The following BAIAP3 variants were observed in gnomAD, a reference collection of about 807,000 sequenced individuals.
The protein encoded by BAIAP3 is BAI1-associated protein 3.
In BAIAP3, 180 loss-of-function variants were observed where a neutral mutation model predicts 149.7. The ratio of observed to expected loss-of-function variants is 1.20; its 90% CI spans 1.07 to 1.36. The LOEUF is 1.36. BAIAP3 is among the 40% of genes most tolerant of loss of function. The pLI, the probability that BAIAP3 is intolerant of heterozygous loss-of-function variation, is 0.00. For missense variants in BAIAP3, 1,767 were observed against 1,563.4 expected (o/e 1.13, Z -2.20); for synonymous variants, 845 against 670.7 (o/e 1.26, Z -4.02).
chr16:1,347,137 G>A (rs865897401), intron 28 of BAIAP3, 161 bp from the exon 29 acceptor site: 55 of 905,258 alleles, frequency 6.1e-5, no homozygotes, highest in Middle Eastern at 6.6e-4. Context: ...CTTTCCCCAC[G>A]CTTCCTGGGA....
In BAIAP3 at chr16:1,346,070, A is replaced by AGC; in HGVS notation, c.2295_2296dup (p.Glu766AlafsTer22). Reference sequence around the variant, plus strand: ...GCCAGGGGCGGCCGGTGAAGCAGTGAGCGAGGCGGTGAGTGACCAGCTGGG... The same window carrying AGC: ...GCCAGGGGCGGCCGGTGAAGCAGTGAGCGCGAGGCGGTGAGTGACCAGCTGGG... On this transcript the variant is annotated frameshift_variant, in exon 24 of 34. Coordinates refer to ENST00000426824, the MANE Select transcript of BAIAP3 (RefSeq NM_001199097.2). LOFTEE classifies it high-confidence loss of function. 1 of 1,610,898 alleles carries AGC rather than the reference A, an allele frequency of 6.2e-7. No individual in the cohort carries two copies. Among genetic ancestry groups the AGC allele is most frequent in the Non-Finnish European group, 8.5e-7 (1 of 1,179,318 alleles).
At chr16:1,344,406 C>T in intron 17 of BAIAP3, 63 bp from the exon 18 acceptor site, 5 of 1,610,742 alleles carry the variant, frequency 3.1e-6, no homozygotes, top group Admixed American at 3.3e-5. Context: ...GCACCACGGT[C>T]TCTTGCCCAC....
chr16:1,338,567 C>A lies in BAIAP3; in HGVS notation c.18C>A (p.Asp6Glu), dbSNP rs748442979. Reference protein sequence around the residue: MSTLLDIKSSVLRQVQ... With the variant: MSTLLEIKSSVLRQVQ... ...CACCCGCCATGTCGACCTTGCTGGACATTAAGAGCAGCGTGCTCAGGCAGG... is the reference window on the plus strand; with the variant it reads ...CACCCGCCATGTCGACCTTGCTGGAAATTAAGAGCAGCGTGCTCAGGCAGG... Residue 6 changes from aspartate (D) to glutamate (E), a missense_variant, in exon 2 of 34, where the codon GAC becomes GAA. Transcript: ENST00000426824. 1.2e-6 allele frequency: 2 copies of A among 1,609,988 alleles called. No homozygotes were observed. Among genetic ancestry groups the A allele is most frequent in the Admixed American group, 3.3e-5 (2 of 59,744 alleles).
At chr16:1,336,114 C>A in intron 1 of BAIAP3, 1 of 698,346 alleles carries the variant, frequency 1.4e-6, no homozygotes, top group Non-Finnish European at 1.8e-6. Flanking sequence ...CATTTGTCTC[C>A]AGGACTGCGA....
intron 14 of BAIAP3, 125 bp from the exon 15 acceptor site, chr16:1,343,268 T>C: frequency 7.2e-7 from 1 of 1,395,878 alleles, no homozygotes; most frequent in Non-Finnish European, 9.7e-7. Context: ...AAAGGGGCAG[T>C]GCTATGAGTA....
At chr16:1,337,176 CCT>C (rs1253348549) in intron 1 of BAIAP3, among the ~76,000 whole-genome samples, 1 of 152,178 alleles carries the variant, frequency 6.6e-6, no homozygotes, top group Non-Finnish European at 1.5e-5. Flanking sequence ...TCATCCTACC[CCT>C]GTTGAAGGGG....
At chr16:1,338,473 C>CCCCCGGGGGGGGGG in intron 1 of BAIAP3, 67 bp from the exon 2 acceptor site, 2 of 1,091,536 alleles carry the variant, frequency 1.8e-6, no homozygotes, top group Non-Finnish European at 2.4e-6. Flanking sequence ...CCCACCCCCC[C>CCCCCGGGGGGGGGG]GCCTGCTGTG....
intron 3 of BAIAP3, 65 bp downstream of exon 3, chr16:1,339,054 C>T (rs2141571137): frequency 3.1e-6 from 5 of 1,605,486 alleles, no homozygotes; most frequent in East Asian, 2.2e-5. Context: ...TTGCTCCTCC[C>T]CGCTCCCTCC....
intron 1 of BAIAP3, 54 bp from the exon 2 acceptor site, chr16:1,338,486 G>GC: frequency 6.8e-7 from 1 of 1,460,444 alleles, no homozygotes; most frequent in Non-Finnish European, 9.2e-7. Flanking sequence ...CTGCTGTGGT[G>GC]CACGGAGGGT....
At chr16:1,336,128 C>T in intron 1 of BAIAP3, 1 of 813,986 alleles carries the variant, frequency 1.2e-6, no homozygotes, top group South Asian at 5.6e-5. Flanking sequence ...ACTGCGAGCC[C>T]CCATCGCCCC....
rs76752309 is a variant in BAIAP3 at position 1,348,272 on chromosome 16, C to T, written c.3326C>T (p.Thr1109Ile). The T allele has an allele frequency of 1.2e-5, 19 of 1,601,440 alleles. No individual in the cohort carries two copies. The highest frequency in any genetic ancestry group is 6.7e-5 in the East Asian group (3 of 44,500). The change falls in exon 33 of 34, where the codon ACC (threonine) becomes ATC (isoleucine). Residue 1109 changes from threonine (T) to isoleucine (I), a missense_variant. Physicochemically the swap from Thr to Ile is moderately conservative, Grantham distance 89. Coordinates refer to ENST00000426824, the MANE Select transcript of BAIAP3 (RefSeq NM_001199097.2). ...GGGARAGQPV[T>I]LHLCRPRAQV... Reference sequence around the variant, plus strand: ...GGTGCAAGGGCTGGGCAGCCTGTCACCCTGCACCTGTGCCGGCCCAGAGCC... The same window carrying T: ...GGTGCAAGGGCTGGGCAGCCTGTCATCCTGCACCTGTGCCGGCCCAGAGCC...
rs766108409 is a variant in BAIAP3, at chr16:1,344,465, G to A, written c.1603-4G>A. The A allele has an allele frequency of 1.4e-5, 22 of 1,613,334 alleles. No homozygotes were observed. The East Asian group carries it at 4.7e-4, about 34-fold the overall frequency. ...CCATGCTGTCTTGGTGGTGTCTGTT[G>A]CAGAGAGGCAACCGTGAGTGGTACG... On this transcript the variant is annotated splice_polypyrimidine_tract_variant and splice_region_variant and intron_variant, in intron 17 of 33. Coordinates refer to ENST00000426824, the MANE Select transcript of BAIAP3 (RefSeq NM_001199097.2).
rs1482003920 is a variant in BAIAP3, at chr16:1,346,073, G to T, written c.2296G>T (p.Glu766Ter). Residue 766 changes from glutamate to a stop codon, truncating the protein, a stop_gained, in exon 24 of 34, where the codon GAG becomes TAG. Coordinates refer to ENST00000426824, the MANE Select transcript of BAIAP3 (RefSeq NM_001199097.2). LOFTEE classifies it high-confidence loss of function. ...AGGGGCGGCCGGTGAAGCAGTGAGCGAGGCGGTGAGTGACCAGCTGGGGAG... is the reference window on the plus strand; with the variant it reads ...AGGGGCGGCCGGTGAAGCAGTGAGCTAGGCGGTGAGTGACCAGCTGGGGAG... ...QPGAAGEAVS[E>*]ALCVVLNNVE... 4 of 1,610,324 alleles carry T rather than the reference G, an allele frequency of 2.5e-6. No homozygotes were observed. Among genetic ancestry groups the T allele is most frequent in the Non-Finnish European group, 2.5e-6 (3 of 1,179,110 alleles).
intron 1 of BAIAP3, among the ~76,000 whole-genome samples, chr16:1,338,236 A>T (rs987329711): frequency 1.3e-5 from 2 of 151,518 alleles, no homozygotes; most frequent in Non-Finnish European, 2.9e-5. Context: ...CGCCAGTGAG[A>T]CCCCATAAGT....
Position 1,345,389 on chromosome 16 carries a change from C to CCTGA in BAIAP3, c.2064+18_2064+21dup. 6.2e-7 allele frequency: 1 copy of CCTGA among 1,605,642 alleles called. No individual in the cohort carries two copies. The highest frequency in any genetic ancestry group is 8.5e-7 in the Non-Finnish European group (1 of 1,175,868). ...ATGGACACGGTGACAGCTGCCCTGG[C>CCTGA]CTGAGGACACTGGGGCTGGTCCAGG... is the stretch of plus-strand genomic sequence containing the variant. On this transcript the variant is annotated intron_variant, in intron 22 of 33. Transcript: ENST00000426824.
intron 1 of BAIAP3, among the ~76,000 whole-genome samples, chr16:1,335,581 C>G (rs1366317948): frequency 6.6e-6 from 1 of 152,234 alleles, no homozygotes; most frequent in Non-Finnish European, 1.5e-5. Context: ...ACAGCAGCTC[C>G]GGCCTCTGTG....
rs759782842 is a variant in BAIAP3, at chr16:1,343,077, C to CG, written c.1265+66dup. 2.8e-4 allele frequency: 226 copies of CG among 816,866 alleles called. 1 individual carries two copies. The Middle Eastern group carries it at 9.7e-3, about 35-fold the overall frequency. The allele number at this position is 816,866 out of a possible 1,614,324, so 50.6% of individuals were successfully genotyped here. A position where few individuals can be genotyped will look rare whatever the true frequency, so the allele number is the denominator to read the frequency against. ...GGGCGGGCGTGAGCGAGTGGGGCATCGGGGGCCATGCGGTGAGTGGATGTC... is the reference window on the plus strand; with the variant it reads ...GGGCGGGCGTGAGCGAGTGGGGCATCGGGGGGCCATGCGGTGAGTGGATGTC... On this transcript the variant is annotated intron_variant, in intron 14 of 33. Coordinates refer to ENST00000426824, the MANE Select transcript of BAIAP3 (RefSeq NM_001199097.2).
chr16:1,342,311 A>C, intron 11 of BAIAP3, 28 bp downstream of exon 11: 1 of 1,602,790 alleles, frequency 6.2e-7, no homozygotes, highest in Non-Finnish European at 8.5e-7. Context: ...GGGGCTGGTG[A>C]CACTTAGAGA....
chr16:1,347,081 C>A, intron 28 of BAIAP3, 126 bp downstream of exon 28: 1 of 967,648 alleles, frequency 1.0e-6, no homozygotes, highest in Non-Finnish European at 1.5e-6. Context: ...GGGCTGTCCA[C>A]AGCGCCTCCT....
Sources: gnomAD v4.1 joint callset for allele counts (sites outside exome capture counted in the v4.1 genomes callset) on GRCh38, gnomAD v4.1.1 for gene constraint, MANE v1.5 for transcripts, NCBI Gene and HGNC (gene_info 2026-07-23, HGNC 2026-07-21) for gene names.